Variants in KCNG3 observed in about 807,000 individuals in gnomAD.
KCNG3 encodes potassium voltage-gated channel modifier subfamily G member 3.
Under a neutral mutation model 29.0 loss-of-function variants are expected in KCNG3, and 15 were observed. The observed-to-expected ratio is 0.52, with a 90% CI of 0.35 to 0.80. The LOEUF (loss-of-function observed/expected upper bound fraction) is 0.80. Among genes scored for constraint, KCNG3 ranks in the 30% least tolerant of loss-of-function variants. KCNG3 has a pLI of 0.01. For synonymous variants in KCNG3, 322 were observed against 248.9 expected, an observed-to-expected ratio of 1.29 and a Z score of -2.76; for missense variants, 512 against 605.7, an observed-to-expected ratio of 0.85 and a Z score of 1.62.
chr2:42,475,454 G>A lies in KCNG3; in HGVS notation c.665+17383C>T, dbSNP rs530668721. Among the ~76,000 whole-genome samples, 8 of 151,230 alleles carry A rather than the reference G, an allele frequency of 5.3e-5. 1 individual carries two copies. The East Asian group carries it at 9.8e-4, about 19-fold the overall frequency. ...AGTGATTCTCGTGCCTCAGCCTCCC[G>A]GATAGCTGGGATAAGAGGTGCACAT... On this transcript the variant is annotated intron_variant, in intron 1 of 1. Transcript: ENST00000306078.
chr2:42,434,647 C>T, the KCNG3 span, among the ~76,000 whole-genome samples: 1 of 77,096 alleles, frequency 1.3e-5, no homozygotes, highest in African/African-American at 5.4e-5. Context: ...GCCTAAGCAA[C>T]AAGAGTGAAA....
chr2:42,486,757 C>G (rs1004311654), intron 1 of KCNG3, among the ~76,000 whole-genome samples: 1 of 152,206 alleles, frequency 6.6e-6, no homozygotes, highest in Non-Finnish European at 1.5e-5. Context: ...CCACTAACTG[C>G]CCAGCTCCAT....
the KCNG3 span, among the ~76,000 whole-genome samples, chr2:42,419,778 C>CA: frequency 1.3e-5 from 2 of 152,188 alleles, no homozygotes; most frequent in Non-Finnish European, 2.9e-5. Flanking sequence ...CCAAAACTAA[C>CA]AAACAGCAGC....
chr2:42,453,261 T>C (rs1266040977), intron 1 of KCNG3, among the ~76,000 whole-genome samples: 1 of 152,238 alleles, frequency 6.6e-6, no homozygotes, highest in African/African-American at 2.4e-5. Context: ...TTTCAGTTTT[T>C]TAAGGAACCT....
At chr2:42,457,912 C>G (rs1047173346) in intron 1 of KCNG3, among the ~76,000 whole-genome samples, 5 of 152,054 alleles carry the variant, frequency 3.3e-5, no homozygotes, top group Non-Finnish European at 7.4e-5. Flanking sequence ...CACTTGAGCT[C>G]AGGCTTCAAA....
At chr2:42,416,826 AAAAAAAG>A in the KCNG3 span, among the ~76,000 whole-genome samples, 10 of 152,076 alleles carry the variant, frequency 6.6e-5, no homozygotes, top group African/African-American at 1.9e-4. Flanking sequence ...CTCAAAAAAA[AAAAAAAG>A]AAAAAAGAAA....
the KCNG3 span, among the ~76,000 whole-genome samples, chr2:42,391,516 G>C: frequency 1.1e-3 from 169 of 151,452 alleles, no homozygotes; most frequent in Admixed American, 2.0e-3. Flanking sequence ...TCCTGAGAAA[G>C]CTGTCCTTCC....
chr2:42,421,451 G>A, the KCNG3 span, among the ~76,000 whole-genome samples: 1 of 152,192 alleles, frequency 6.6e-6, no homozygotes, highest in African/African-American at 2.4e-5. Context: ...TCAAACAGCA[G>A]AGCAGGATCG....
At chr2:42,438,645 A>G (rs1475656982), downstream of KCNG3, among the ~76,000 whole-genome samples, 1 of 152,252 alleles carries the variant, frequency 6.6e-6, no homozygotes, top group African/African-American at 2.4e-5. Context: ...AAATAGTAGT[A>G]AACTGACAAT....
intron 1 of KCNG3, 137 bp downstream of exon 1, chr2:42,492,700 C>T (rs1285125168): frequency 4.8e-6 from 3 of 622,852 alleles, no homozygotes; most frequent in Non-Finnish European, 6.4e-6. Context: ...CCGTAGTTGG[C>T]CGCGCCTGGG....
At chr2:42,487,977 G>A (rs1673771027) in intron 1 of KCNG3, among the ~76,000 whole-genome samples, 1 of 152,074 alleles carries the variant, frequency 6.6e-6, no homozygotes, top group Non-Finnish European at 1.5e-5. Flanking sequence ...GCAAGTTTCA[G>A]GACTGTGTAT....
chr2:42,488,610 C>A (rs1203365432), intron 1 of KCNG3, among the ~76,000 whole-genome samples: 6 of 150,710 alleles, frequency 4.0e-5, no homozygotes, highest in Admixed American at 2.0e-4. Context: ...AGTGCAGTAG[C>A]GTGATATCGG....
intron 1 of KCNG3, among the ~76,000 whole-genome samples, chr2:42,477,384 TATATACAC>T (rs1368804524): frequency 2.6e-4 from 26 of 101,920 alleles, no homozygotes; most frequent in Admixed American, 1.5e-3. Context: ...CACACACATA[TATATACAC>T]ACACACACAC....
At chr2:42,401,815 T>G in the KCNG3 span, among the ~76,000 whole-genome samples, 1 of 152,016 alleles carries the variant, frequency 6.6e-6, no homozygotes, top group Non-Finnish European at 1.5e-5. Context: ...ACCCAGAAGG[T>G]GGAGGTTTCA....
intron 1 of KCNG3, among the ~76,000 whole-genome samples, chr2:42,458,691 T>C (rs1672939820): frequency 6.6e-6 from 1 of 152,128 alleles, no homozygotes; most frequent in South Asian, 2.1e-4. Flanking sequence ...GTCTGCAGTG[T>C]AGCCCGAGGT....
the KCNG3 span, among the ~76,000 whole-genome samples, chr2:42,404,779 T>C: frequency 5.3e-5 from 8 of 152,222 alleles, no homozygotes; most frequent in African/African-American, 1.7e-4. Context: ...TGGGGGAGTA[T>C]ACTCAGTGTA....
At chr2:42,401,944 A>G in the KCNG3 span, among the ~76,000 whole-genome samples, 1 of 152,160 alleles carries the variant, frequency 6.6e-6, no homozygotes, top group African/African-American at 2.4e-5. Context: ...TGTGATGGTT[A>G]ATTTTCTGTG....
At chr2:42,482,183 A>G (rs1673603745) in intron 1 of KCNG3, among the ~76,000 whole-genome samples, 1 of 152,208 alleles carries the variant, frequency 6.6e-6, no homozygotes, top group Non-Finnish European at 1.5e-5. Context: ...CCAACACCTA[A>G]AACAGTCCTA....
intron 1 of KCNG3, among the ~76,000 whole-genome samples, chr2:42,450,060 C>G (rs1032213033): frequency 2.0e-5 from 3 of 152,114 alleles, no homozygotes; most frequent in African/African-American, 7.2e-5. Flanking sequence ...CTCTAAAATC[C>G]TAAGATTCTA....
Sources: allele counts gnomAD v4.1 joint callset (sites outside exome capture counted in the v4.1 genomes callset), GRCh38; gene constraint gnomAD v4.1.1; transcripts MANE v1.5; gene names NCBI Gene and HGNC (gene_info 2026-07-23, HGNC 2026-07-21).